SH2D6: variants seen among roughly 807,000 people sequenced by gnomAD.
The protein encoded by SH2D6 is SH2 domain-containing protein 6.
Under a neutral mutation model 30.2 loss-of-function variants are expected in SH2D6, and 31 were observed. The ratio of observed to expected loss-of-function variants is 1.03; its 90% CI spans 0.77 to 1.38. SH2D6 has a LOEUF of 1.38. Ranked by LOEUF, SH2D6 falls within the 40% of genes most tolerant of loss-of-function variation. The probability of loss-of-function intolerance (pLI) is 0.00; values close to 1 mark genes in which losing one functional copy is unlikely to be tolerated. For synonymous variants in SH2D6, 93 were observed against 104.6 expected (o/e 0.89, Z 0.68); for missense variants, 240 against 266.8 (o/e 0.90, Z 0.70).
At chr2:85,433,737 AC>A in intron 16 of SH2D6, 106 bp downstream of exon 16, 39 of 861,976 alleles carry the variant, frequency 4.5e-5, no homozygotes, top group East Asian at 8.2e-5. Context: ...GCCTCTCACC[AC>A]CCCCCACCAA....
chr2:85,424,821 A>C (rs1237638515), intron 5 of SH2D6, among the ~76,000 whole-genome samples: 1 of 151,884 alleles, frequency 6.6e-6, no homozygotes, highest in African/African-American at 2.4e-5. Flanking sequence ...TAATCCCAGC[A>C]CTTTGGGAGG....
chr2:85,434,671 G>A (rs1360335974), intron 19 of SH2D6, 174 bp downstream of exon 19: 4 of 1,318,568 alleles, frequency 3.0e-6, no homozygotes, highest in Non-Finnish European at 4.0e-6. Flanking sequence ...ATGAATGCAG[G>A]TGGTCCTGCC....
At chr2:85,427,771 G>A (rs1015560960) in intron 6 of SH2D6, among the ~76,000 whole-genome samples, 1 of 152,142 alleles carries the variant, frequency 6.6e-6, no homozygotes, top group Non-Finnish European at 1.5e-5. Context: ...TGTTATTTTT[G>A]TTTTTTTGGT....
chr2:85,424,897 C>T (rs886557214), intron 5 of SH2D6, among the ~76,000 whole-genome samples: 2 of 152,168 alleles, frequency 1.3e-5, no homozygotes, highest in African/African-American at 4.8e-5. Flanking sequence ...GAAACCCCGT[C>T]TGTACTAAAA....
intron 16 of SH2D6, 148 bp from the exon 17 acceptor site, chr2:85,433,885 C>T (rs1689069674): frequency 5.2e-6 from 4 of 766,642 alleles, no homozygotes; most frequent in Non-Finnish European, 8.3e-6. Context: ...GCGGCCAGGA[C>T]AGCATCTGCC....
intron 13 of SH2D6, among the ~76,000 whole-genome samples, chr2:85,431,645 C>T (rs1228864795): frequency 2.0e-5 from 3 of 152,246 alleles, no homozygotes. Context: ...CCCATTCCCA[C>T]CTTTATCCCA....
Position 85,431,951 on chromosome 2 carries a change from G to A in SH2D6, c.362G>A (p.Gly121Glu), listed in dbSNP as rs1333249301. 1 of 152,756 alleles carries A rather than the reference G, an allele frequency of 6.5e-6. No individual in the cohort carries two copies. The highest frequency in any genetic ancestry group is 6.5e-5 in the Admixed American group (1 of 15,282). 9.5% of individuals were successfully genotyped at this position (152,756 alleles called of 1,614,324 possible). A position where few individuals can be genotyped will look rare whatever the true frequency, so the allele number is the denominator to read the frequency against. Residue 121 changes from glycine (G) to glutamate (E), a missense_variant, in exon 14 of 24, where the codon GGG becomes GAG. By Grantham distance (98) the Gly-to-Glu change is moderately conservative (BLOSUM62 -2). Transcript: ENST00000469800. ...GCCGGAAAGCAGGGACCTATCTTTG[G>A]GAGGCGAGGTAATGGGGATGTCCTC... Reference protein sequence around the residue: ...PVAGKQGPIFGRREQGASSRV... With the variant: ...PVAGKQGPIFERREQGASSRV...
chr2:85,426,834 G>T lies in SH2D6; in HGVS notation c.-209+1427G>T, dbSNP rs554635430. On this transcript the variant is annotated intron_variant, in intron 6 of 23. Coordinates refer to ENST00000469800, the MANE Select transcript of SH2D6 (RefSeq NM_001394463.1). ...AGCCAGTTGGTCAGAAGTTCTGGAG[G>T]CCCAGACTTGTGCCTGGTATCTGGG... Among the ~76,000 whole-genome samples, 341 of 152,364 alleles carry T rather than the reference G, an allele frequency of 2.2e-3. 2 individuals carry two copies. Among genetic ancestry groups the T allele is most frequent in the African/African-American group, 7.7e-3 (320 of 41,586 alleles).
Position 85,435,470 on chromosome 2 carries a change from G to T in SH2D6, c.706G>T (p.Glu236Ter). The change falls in exon 21 of 24, where the codon GAG (glutamate) becomes TAG (stop). Residue 236 changes from glutamate (E) to a stop codon, truncating the protein, a stop_gained. Coordinates refer to ENST00000469800, the MANE Select transcript of SH2D6 (RefSeq NM_001394463.1). LOFTEE classifies it high-confidence loss of function. ...YSGNCDRYAV[E>*]SALLHLQKDG... is the part of the protein sequence containing the mutation. ...GGGGAACTGTGACCGCTATGCTGTTGAGAGTGCCCTGCTCCACTTACAAAA... is the reference window on the plus strand; with the variant it reads ...GGGGAACTGTGACCGCTATGCTGTTTAGAGTGCCCTGCTCCACTTACAAAA... The T allele has an allele frequency of 1.9e-6, 3 of 1,613,846 alleles. No homozygotes were observed. Among genetic ancestry groups the T allele is most frequent in the Non-Finnish European group, 2.5e-6 (3 of 1,179,988 alleles).
rs138742207 is a variant in SH2D6 at position 85,420,415 on chromosome 2, C to T, written c.-577+1171C>T. Among the ~76,000 whole-genome samples, 458 of 152,328 alleles carry T rather than the reference C, an allele frequency of 3.0e-3. 1 individual carries two copies. Among genetic ancestry groups the T allele is most frequent in the African/African-American group, 0.011 (437 of 41,584 alleles). On this transcript the variant is annotated intron_variant, in intron 2 of 23. Coordinates refer to ENST00000469800, the MANE Select transcript of SH2D6 (RefSeq NM_001394463.1). ...GATTACAGGCATGAGCCACCGTGCC[C>T]GGACTGAGCCCATTCTCTTATTATT... is the stretch of plus-strand genomic sequence containing the variant.
intron 19 of SH2D6, chr2:85,434,757 T>C: frequency 6.9e-7 from 1 of 1,449,218 alleles, no homozygotes; most frequent in Non-Finnish European, 9.1e-7. Flanking sequence ...CCTGAAGCTC[T>C]GACTCCAGCT....
chr2:85,420,208 G>A (rs1325533927), intron 2 of SH2D6, among the ~76,000 whole-genome samples: 1 of 152,250 alleles, frequency 6.6e-6, no homozygotes, highest in African/African-American at 2.4e-5. Context: ...GGGCTTAAGC[G>A]GTTCTCCTGC....
In SH2D6 at chr2:85,434,060, T is replaced by G; in HGVS notation, c.482T>G (p.Phe161Cys). 6.4e-7 allele frequency: 1 copy of G among 1,550,588 alleles called. No individual in the cohort carries two copies. The highest frequency in any genetic ancestry group is 2.4e-5 in the East Asian group (1 of 40,920). Residue 161 changes from phenylalanine (F) to cysteine (C), a missense_variant, in exon 17 of 24, where the codon TTC becomes TGC. Phe to Cys is a radical substitution (Grantham distance 205, BLOSUM62 -2). Coordinates refer to ENST00000469800, the MANE Select transcript of SH2D6 (RefSeq NM_001394463.1). ...PVLALTQTLS[F>C]QVLMPSGPLP... The stretch of plus-strand genomic sequence containing the variant: ...CTGGCTTTGACTCAGACTCTCAGCT[T>G]CCAAGTCCTGATGCCCTCAGGCCCT...
intron 2 of SH2D6, 142 bp downstream of exon 2, chr2:85,419,386 G>C (rs1687663806): frequency 6.6e-6 from 1 of 152,296 alleles, no homozygotes; most frequent in Admixed American, 6.5e-5. Flanking sequence ...GAGCTTCTGA[G>C]GCGCTACAGA....
chr2:85,436,381 C>T (rs1689458732), intron 22 of SH2D6, 85 bp from the exon 23 acceptor site: 3 of 978,490 alleles, frequency 3.1e-6, no homozygotes, highest in Non-Finnish European at 4.9e-6. Context: ...CAAAAGTCCC[C>T]TTGCCAGAGT....
At chr2:85,423,213 GT>G (rs1687810953) in intron 5 of SH2D6, among the ~76,000 whole-genome samples, 1 of 150,766 alleles carries the variant, frequency 6.6e-6, no homozygotes, top group Non-Finnish European at 1.5e-5. Flanking sequence ...TGTTGTTGTT[GT>G]TTTTGTTTTG....
At position 85,435,136 on chromosome 2, in the gene SH2D6, TGGGAGCAGGCTGTAGGGAGAGGTTCC is replaced by T. The variant is rs773230387; in HGVS notation, c.648+22_648+47del. The T allele has an allele frequency of 6.4e-7, 1 of 1,560,448 alleles. No homozygotes were observed. ...CTCAGCTGCTGAGGTGAGGAGGGGC[TGGGAGCAGGCTGTAGGGAGAGGTTCC>T]GGGAGCAGAGCCTGAGAGTCCTTAC... On this transcript the variant is annotated intron_variant, in intron 20 of 23. Coordinates refer to ENST00000469800, the MANE Select transcript of SH2D6 (RefSeq NM_001394463.1).
chr2:85,432,622 G>A (rs1293655123), intron 14 of SH2D6, among the ~76,000 whole-genome samples: 5 of 152,010 alleles, frequency 3.3e-5, no homozygotes, highest in South Asian at 4.1e-4. Flanking sequence ...GGATGGTCTC[G>A]ATCTCCTGAC....
chr2:85,424,899 G>C (rs1687922106), intron 5 of SH2D6, among the ~76,000 whole-genome samples: 1 of 152,052 alleles, frequency 6.6e-6, no homozygotes, highest in Non-Finnish European at 1.5e-5. Context: ...AACCCCGTCT[G>C]TACTAAAAAT....
Sources: gnomAD v4.1 joint callset for allele counts (sites outside exome capture counted in the v4.1 genomes callset) on GRCh38, gnomAD v4.1.1 for gene constraint, MANE v1.5 for transcripts, NCBI Gene and HGNC (gene_info 2026-07-23, HGNC 2026-07-21) for gene names.